SNTG2: variants seen among roughly 807,000 people sequenced by gnomAD.
The protein encoded by SNTG2 is gamma-2-syntrophin.
Under a neutral mutation model 70.9 loss-of-function variants are expected in SNTG2, and 74 were observed. That is an observed-to-expected ratio of 1.04 (90% CI 0.86 to 1.27). The LOEUF is 1.27. SNTG2 is among the 50% of genes most tolerant of loss of function. SNTG2 has a pLI of 0.00. For synonymous variants in SNTG2, 278 were observed against 273.8 expected (o/e 1.02, Z -0.15); for missense variants, 717 against 690.7 (o/e 1.04, Z -0.43).
chr2:1,022,104 T>C (rs2148013314), intron 1 of SNTG2, among the ~76,000 whole-genome samples: 1 of 152,206 alleles, frequency 6.6e-6, no homozygotes, highest in South Asian at 2.1e-4. Context: ...CATAAAGTTA[T>C]GAATAGAGCA....
chr2:1,318,496 A>G (rs546448746), intron 16 of SNTG2, among the ~76,000 whole-genome samples: 19 of 152,252 alleles, frequency 1.2e-4, no homozygotes, highest in Non-Finnish European at 2.4e-4. Flanking sequence ...TGCAGATGGT[A>G]CAGACACTGT....
chr2:1,309,516 G>T (rs1225761877), intron 15 of SNTG2, among the ~76,000 whole-genome samples: 1 of 152,258 alleles, frequency 6.6e-6, no homozygotes, highest in Non-Finnish European at 1.5e-5. Context: ...CTATTGTCAG[G>T]ACTTGGTGGG....
Position 1,165,609 on chromosome 2 carries a change from C to G in SNTG2, c.473C>G (p.Ala158Gly). ...ATCACCGTTGAGTATCTCAGGGAAGCGCCGGCATTTCTGAAGCTCCCGTTA... is the reference window on the plus strand; with the variant it reads ...ATCACCGTTGAGTATCTCAGGGAAGGGCCGGCATTTCTGAAGCTCCCGTTA... The part of the protein sequence containing the change: ...VTITVEYLRE[A>G]PAFLKLPLGS... Residue 158 changes from alanine to glycine, a missense_variant, in exon 7 of 17, where the codon GCG (alanine) becomes GGG (glycine). Coordinates refer to ENST00000308624, the MANE Select transcript of SNTG2 (RefSeq NM_018968.4). 6.2e-7 allele frequency: 1 copy of G among 1,612,602 alleles called. No individual in the cohort carries two copies. The highest frequency in any genetic ancestry group is 8.5e-7 in the Non-Finnish European group (1 of 1,179,430).
intron 6 of SNTG2, among the ~76,000 whole-genome samples, chr2:1,138,497 G>T (rs539004060): frequency 2.0e-4 from 31 of 152,306 alleles, no homozygotes; most frequent in African/African-American, 7.2e-4. Context: ...CGCGTGGTCA[G>T]TCTGGTGCCT....
chr2:1,051,138 T>C (rs1662035981), intron 1 of SNTG2, among the ~76,000 whole-genome samples: 2 of 106,572 alleles, frequency 1.9e-5, no homozygotes, highest in South Asian at 6.8e-4. Flanking sequence ...TGTTTACACA[T>C]TTCCTTCCTC....
chr2:1,185,413 A>G lies in SNTG2; in HGVS notation c.591+12230A>G, dbSNP rs1056237588. 2.0e-5 allele frequency among the ~76,000 whole-genome samples: 3 copies of G among 152,106 alleles called. No homozygotes were observed. The South Asian group carries it at 6.2e-4, about 32-fold the overall frequency. ...GTAGAGACTCTGTGTGGGAGCTCCA[A>G]CCGCACATTTCCCCTCTGCACTGCC... On this transcript the variant is annotated intron_variant, in intron 8 of 16. Transcript: ENST00000308624.
chr2:1,116,649 A>G (rs1274057947), intron 4 of SNTG2, among the ~76,000 whole-genome samples: 20 of 56,142 alleles, frequency 3.6e-4, no homozygotes, highest in South Asian at 1.3e-3. Context: ...CCAGTGTATG[A>G]GTGCCCTGGT....
At chr2:1,216,673 C>A (rs1035614288) in intron 9 of SNTG2, among the ~76,000 whole-genome samples, 14 of 152,212 alleles carry the variant, frequency 9.2e-5, no homozygotes, top group Non-Finnish European at 1.3e-4. Context: ...TGGGAACCCA[C>A]CAGCATGCTG....
At chr2:1,188,016 A>G (rs1369142617) in intron 8 of SNTG2, among the ~76,000 whole-genome samples, 5 of 152,264 alleles carry the variant, frequency 3.3e-5, no homozygotes, top group Non-Finnish European at 7.3e-5. Context: ...GCTGGAGAGT[A>G]GAGGGCATGT....
At chr2:1,067,594 A>T (rs1482908741) in intron 1 of SNTG2, among the ~76,000 whole-genome samples, 2 of 152,140 alleles carry the variant, frequency 1.3e-5, no homozygotes, top group African/African-American at 4.8e-5. Flanking sequence ...GAATGAGTTT[A>T]TGAAGTTTGG....
chr2:1,166,602 G>T (rs754258219), intron 7 of SNTG2, among the ~76,000 whole-genome samples: 1 of 152,204 alleles, frequency 6.6e-6, no homozygotes, highest in East Asian at 1.9e-4. Flanking sequence ...GATACAGGAG[G>T]GGGGCAGGGA....
chr2:1,359,846 A>C (rs566652521), intron 16 of SNTG2, among the ~76,000 whole-genome samples: 1 of 152,212 alleles, frequency 6.6e-6, no homozygotes, highest in South Asian at 2.1e-4. Flanking sequence ...ATTTCTTTGC[A>C]TGTTTTTTCT....
chr2:1,342,139 C>T (rs999463750), intron 16 of SNTG2, among the ~76,000 whole-genome samples: 4 of 152,216 alleles, frequency 2.6e-5, no homozygotes, highest in African/African-American at 7.2e-5. Context: ...TCAGAGCCTT[C>T]GTAGCAAGTC....
At chr2:1,157,639 G>A (rs558387510) in intron 6 of SNTG2, among the ~76,000 whole-genome samples, 35 of 152,320 alleles carry the variant, frequency 2.3e-4, no homozygotes, top group South Asian at 8.3e-4. Context: ...GCTAAGGTCT[G>A]TTTCTTTATT....
intron 1 of SNTG2, among the ~76,000 whole-genome samples, chr2:990,194 G>A (rs531184576): frequency 1.3e-5 from 2 of 152,348 alleles, no homozygotes; most frequent in Non-Finnish European, 2.9e-5. Flanking sequence ...GGGGCTGGAC[G>A]TCCATGGCCA....
At chr2:1,157,864 A>T (rs1179348952) in intron 6 of SNTG2, among the ~76,000 whole-genome samples, 2 of 152,194 alleles carry the variant, frequency 1.3e-5, no homozygotes, top group East Asian at 3.9e-4. Flanking sequence ...TTTTGGAAGG[A>T]TTCTAAAGCT....
intron 16 of SNTG2, among the ~76,000 whole-genome samples, chr2:1,365,346 A>G (rs1446070496): frequency 1.3e-5 from 2 of 152,244 alleles, no homozygotes; most frequent in African/African-American, 4.8e-5. Context: ...GCTCATCACA[A>G]TTTGAAATGA....
chr2:1,040,113 C>G (rs1405619726), intron 1 of SNTG2, among the ~76,000 whole-genome samples: 2 of 152,174 alleles, frequency 1.3e-5, no homozygotes, highest in Non-Finnish European at 2.9e-5. Context: ...AGCTCCTTTC[C>G]AGGCACGCTT....
intron 1 of SNTG2, among the ~76,000 whole-genome samples, chr2:1,036,624 A>G (rs1661145126): frequency 6.6e-6 from 1 of 152,160 alleles, no homozygotes; most frequent in African/African-American, 2.4e-5. Context: ...TAGAAGTGAC[A>G]TTTTCTTAAG....
Sources: allele counts gnomAD v4.1 joint callset (sites outside exome capture counted in the v4.1 genomes callset), GRCh38; gene constraint gnomAD v4.1.1; transcripts MANE v1.5; gene names NCBI Gene and HGNC (gene_info 2026-07-23, HGNC 2026-07-21).